MAL2: variants seen among roughly 807,000 people sequenced by gnomAD.
The protein encoded by MAL2 is mal, T cell differentiation protein 2, also known as protein MAL2.
Under a neutral mutation model 18.1 loss-of-function variants are expected in MAL2, and 17 were observed. The ratio of observed to expected loss-of-function variants is 0.94; its 90% CI spans 0.64 to 1.41. The LOEUF is 1.41. Ranked by LOEUF, MAL2 falls within the 40% of genes most tolerant of loss-of-function variation. The probability of loss-of-function intolerance (pLI) is 0.00; values close to 1 mark genes in which losing one functional copy is unlikely to be tolerated. For synonymous variants in MAL2, 102 were observed against 102.3 expected (o/e 1.00, Z 0.02); for missense variants, 222 against 231.9 (o/e 0.96, Z 0.28).
In MAL2 at chr8:119,243,450, T is replaced by C; in HGVS notation, c.493T>C (p.Cys165Arg). 6.2e-7 allele frequency: 1 copy of C among 1,601,820 alleles called. No individual in the cohort carries two copies. The highest frequency in any genetic ancestry group is 1.1e-5 in the South Asian group (1 of 88,670). The change falls in exon 4 of 4, where the codon TGC (cysteine) becomes CGC (arginine). Residue 165 changes from cysteine to arginine, a missense_variant. Coordinates refer to ENST00000614891, the MANE Select transcript of MAL2 (RefSeq NM_052886.3). ...FAFMTTACYG[C>R]SLGLALRRWR... ...CTTTATGACGACAGCTTGTTATGGT[T>C]GCAGTTTGGGTCTGGCTTTACGAAG...
chr8:119,235,318 G>A (rs368688927), intron 2 of MAL2, among the ~76,000 whole-genome samples: 2,776 of 152,192 alleles, frequency 0.018, 40 homozygotes, highest in South Asian at 0.033. Context: ...CCAAATCTAC[G>A]TCTGATTGGG....
intron 2 of MAL2, among the ~76,000 whole-genome samples, chr8:119,238,302 C>T (rs893052561): frequency 6.6e-6 from 1 of 152,110 alleles, no homozygotes. Context: ...GAAGAACATT[C>T]CATGCTCATG....
At chr8:119,213,108 G>A (rs974888235) in intron 1 of MAL2, among the ~76,000 whole-genome samples, 10 of 151,970 alleles carry the variant, frequency 6.6e-5, no homozygotes, top group African/African-American at 2.2e-4. Flanking sequence ...AGAGAGAGAG[G>A]TTTGAGGTTT....
intron 2 of MAL2, among the ~76,000 whole-genome samples, chr8:119,231,025 T>C (rs1041590029): frequency 6.6e-6 from 1 of 152,066 alleles, no homozygotes; most frequent in Admixed American, 6.6e-5. Flanking sequence ...GAGAACAGTT[T>C]TTTTTTTTAT....
intron 2 of MAL2, among the ~76,000 whole-genome samples, chr8:119,223,619 T>G (rs1225951070): frequency 2.0e-5 from 3 of 152,188 alleles, no homozygotes; most frequent in African/African-American, 7.2e-5. Flanking sequence ...CTGTGGTCTT[T>G]TAGCTGGAGT....
chr8:119,230,022 G>GAGTT (rs1371160657), intron 2 of MAL2, among the ~76,000 whole-genome samples: 1 of 152,104 alleles, frequency 6.6e-6, no homozygotes, highest in Non-Finnish European at 1.5e-5. Flanking sequence ...CTGATTTTTT[G>GAGTT]AGTTAGTGGC....
rs751671116 is a variant in MAL2 at position 119,208,530 on chromosome 8, C to A, written c.58C>A (p.Pro20Thr). The change falls in exon 1 of 4, where the codon CCG becomes ACG. Residue 20 changes from proline (P) to threonine (T), a missense_variant. By Grantham distance (38) the Pro-to-Thr change is conservative. Transcript: ENST00000614891. The surrounding 1 kb of genome is among the most constrained non-coding windows in gnomAD (Gnocchi z 4.3). ...PPPNPAVSFP[P>T]PRVTLPAGPD... is the part of the protein sequence containing the mutation. Reference sequence around the variant, plus strand: ...CCCGAACCCCGCCGTGTCCTTCCCGCCGCCCCGGGTCACCCTGCCCGCCGG... The same window carrying A: ...CCCGAACCCCGCCGTGTCCTTCCCGACGCCCCGGGTCACCCTGCCCGCCGG... 6 of 1,389,932 alleles carry A rather than the reference C, an allele frequency of 4.3e-6. 1 individual carries two copies. The South Asian group carries it at 9.8e-5, about 23-fold the overall frequency. 86.1% of individuals were successfully genotyped at this position (1,389,932 alleles called of 1,614,324 possible).
chr8:119,222,454 C>T (rs930070081), intron 2 of MAL2, among the ~76,000 whole-genome samples: 6 of 149,772 alleles, frequency 4.0e-5, no homozygotes, highest in Non-Finnish European at 5.9e-5. Context: ...TACTTGAACC[C>T]GGGAGGCAGT....
chr8:119,212,862 T>A (rs1817287398), intron 1 of MAL2, among the ~76,000 whole-genome samples: 1 of 152,212 alleles, frequency 6.6e-6, no homozygotes, highest in Non-Finnish European at 1.5e-5. Context: ...GGACTCAGGT[T>A]CTGGTTTGCT....
chr8:119,240,415 A>G, intron 3 of MAL2, 95 bp downstream of exon 3: 1 of 1,297,844 alleles, frequency 7.7e-7, no homozygotes, highest in Middle Eastern at 1.9e-4. Flanking sequence ...AGTTTTCTTC[A>G]ATGCTAGCCA....
intron 1 of MAL2, among the ~76,000 whole-genome samples, chr8:119,211,535 C>G (rs1021176842): frequency 1.3e-5 from 2 of 152,084 alleles, no homozygotes; most frequent in Non-Finnish European, 2.9e-5. Flanking sequence ...GTATTCATTC[C>G]CAATTCCCCT....
chr8:119,219,215 C>G (rs1817415776), intron 1 of MAL2, among the ~76,000 whole-genome samples: 1 of 130,498 alleles, frequency 7.7e-6, no homozygotes. Context: ...GAGGTATACA[C>G]CACAACTATA....
chr8:119,227,276 G>C (rs1563772883), intron 2 of MAL2, among the ~76,000 whole-genome samples: 2 of 152,200 alleles, frequency 1.3e-5, no homozygotes, highest in Non-Finnish European at 2.9e-5. Flanking sequence ...GGATTGAGAA[G>C]TACAAGAGTT....
intron 2 of MAL2, among the ~76,000 whole-genome samples, chr8:119,235,506 C>T (rs2129891690): frequency 6.7e-6 from 1 of 150,268 alleles, no homozygotes; most frequent in East Asian, 2.0e-4. Flanking sequence ...CCAGATTCAC[C>T]AAAGTTGAAA....
chr8:119,210,638 T>C (rs748794650), intron 1 of MAL2, among the ~76,000 whole-genome samples: 3 of 152,292 alleles, frequency 2.0e-5, no homozygotes, highest in South Asian at 2.1e-4. Context: ...GTGAATTCTC[T>C]CTATCCGCTA....
chr8:119,234,316 G>A lies in MAL2; in HGVS notation c.304-5849G>A, dbSNP rs908310782. 4.6e-5 allele frequency among the ~76,000 whole-genome samples: 7 copies of A among 152,248 alleles called. No individual in the cohort carries two copies. In the East Asian group the frequency reaches 7.7e-4, roughly 17 times the overall value. On this transcript the variant is annotated intron_variant, in intron 2 of 3. Transcript: ENST00000614891. ...CTGGCTGGGAGGGTCCTATGCCCAC[G>A]GAATCTCGCTGATTACTAGCACAGC...
chr8:119,233,170 G>A (rs1372523394), intron 2 of MAL2, among the ~76,000 whole-genome samples: 1 of 152,192 alleles, frequency 6.6e-6, no homozygotes, highest in Non-Finnish European at 1.5e-5. Flanking sequence ...CACATTCAAA[G>A]CAGTGTGTAG....
chr8:119,212,728 A>C (rs1484141930), intron 1 of MAL2, among the ~76,000 whole-genome samples: 1 of 152,174 alleles, frequency 6.6e-6, no homozygotes, highest in Non-Finnish European at 1.5e-5. Flanking sequence ...GAAAATGGGA[A>C]AGAGAATTCC....
rs948932062 is a variant in MAL2, at chr8:119,234,266, C to T, written c.304-5899C>T. Reference sequence around the variant, plus strand: ...CTTTTCAGACCGGCTTAAAAAACGGCGCACCACGAGATTGTATCCCACACC... The same window carrying T: ...CTTTTCAGACCGGCTTAAAAAACGGTGCACCACGAGATTGTATCCCACACC... On this transcript the variant is annotated intron_variant, in intron 2 of 3. Transcript: ENST00000614891. Among the ~76,000 whole-genome samples the T allele has an allele frequency of 4.6e-5, 7 of 152,260 alleles. No individual in the cohort carries two copies. The South Asian group carries it at 1.0e-3, about 23-fold the overall frequency.
Sources: gnomAD v4.1 joint callset for allele counts (sites outside exome capture counted in the v4.1 genomes callset) on GRCh38, gnomAD v4.1.1 for gene constraint, Gnocchi (gnomAD v3.1) non-coding constraint, MANE v1.5 for transcripts, NCBI Gene and HGNC (gene_info 2026-07-23, HGNC 2026-07-21) for gene names.